The following EIF2D variants were observed in gnomAD, a reference collection of about 807,000 sequenced individuals.
EIF2D encodes hepatocellular carcinoma-associated antigen 56.
A neutral mutation model predicts 77.4 loss-of-function variants in EIF2D; 56 were observed. The observed-to-expected ratio is 0.72, with a 90% CI of 0.58 to 0.90. EIF2D has a LOEUF of 0.90. EIF2D is among the 40% of genes least tolerant of loss of function. The pLI, the probability that EIF2D is intolerant of heterozygous loss-of-function variation, is 0.00. For synonymous variants in EIF2D, 230 were observed against 271.0 expected (o/e 0.85, Z 1.49); for missense variants, 574 against 706.5 (o/e 0.81, Z 2.13).
At chr1:206,581,211 A>T (rs1304673385) in intron 2 of EIF2D, 1 of 152,250 alleles carries the variant, frequency 6.6e-6, no homozygotes, top group Admixed American at 6.5e-5. Context: ...GGTATGTGAA[A>T]GTACCCAGCA....
intron 5 of EIF2D, 103 bp from the exon 6 acceptor site, chr1:206,603,307 C>CA: frequency 1.3e-6 from 2 of 1,494,584 alleles, no homozygotes; most frequent in Non-Finnish European, 1.8e-6. Flanking sequence ...AGAGAGCCAA[C>CA]AGGCAGGAGT....
intron 12 of EIF2D, among the ~76,000 whole-genome samples, chr1:206,596,674 C>T (rs1384014669): frequency 6.6e-6 from 1 of 151,690 alleles, no homozygotes; most frequent in East Asian, 1.9e-4. Flanking sequence ...TTTTAAATGC[C>T]CTCACTTTAA....
chr1:206,593,506 AGAGTGTGTGTGTGTGTGTGTGTGTGT>A lies in EIF2D; in HGVS notation c.1684+87_1684+112del. ...GAGAGAGCGAGAGAGAGAGAGAGAG[AGAGTGTGTGTGTGTGTGTGTGTGTGT>A]GTGTGTGTGTATTATGCAAGTTGAG... On this transcript the variant is annotated intron_variant, in intron 14 of 14. Transcript: ENST00000271764. 5.0e-5 allele frequency: 22 copies of A among 441,274 alleles called. No individual in the cohort carries two copies. The South Asian group carries it at 1.2e-3, about 23-fold the overall frequency. The allele number at this position is 441,274 out of a possible 1,614,324, so 27.3% of individuals were successfully genotyped here.
Position 206,599,217 on chromosome 1 carries a change from C to A in EIF2D, c.1203-125G>T. The A allele has an allele frequency of 1.0e-6, 1 of 956,150 alleles. No homozygotes were observed. 59.2% of individuals were successfully genotyped at this position (956,150 alleles called of 1,614,324 possible). A position where few individuals can be genotyped will look rare whatever the true frequency, so the allele number is the denominator to read the frequency against. ...TAGCTTTCGGCCTCTAGTTTCTTCC[C>A]TTTTCCTGACTGAAGTGAGCATGAC... is the stretch of plus-strand genomic sequence containing the variant. On this transcript the variant is annotated intron_variant, in intron 10 of 14. Coordinates refer to ENST00000271764, the MANE Select transcript of EIF2D (RefSeq NM_006893.3). The surrounding 1 kb of genome is among the most constrained non-coding windows in gnomAD (Gnocchi z 4.1).
Position 206,602,360 on chromosome 1 carries a change from A to C in EIF2D, c.878T>G (p.Leu293Arg). The change falls in exon 7 of 15, where the codon CTT (leucine) becomes CGT (arginine). Residue 293 changes from leucine (L) to arginine (R), a missense_variant. By Grantham distance (102) the Leu-to-Arg change is moderately radical. Coordinates refer to ENST00000271764, the MANE Select transcript of EIF2D (RefSeq NM_006893.3). ...CCAGCAGGAGAACATGTGGCTGCCA[A>C]GGAAAGTGCTGGTGAGTAAAGGGAG... ...ADLPLLTSTF[L>R]GSHMFSCCPE... 1 of 1,614,228 alleles carries C rather than the reference A, an allele frequency of 6.2e-7. No homozygotes were observed. The highest frequency in any genetic ancestry group is 1.1e-5 in the South Asian group (1 of 91,090).
chr1:206,574,125 G>A (rs1668549472), intron 4 of EIF2D, among the ~76,000 whole-genome samples: 1 of 152,236 alleles, frequency 6.6e-6, no homozygotes. Context: ...ACTGTTCCCT[G>A]GTATAACCCA....
intron 14 of EIF2D, 144 bp downstream of exon 14, chr1:206,593,475 G>GAA (rs1669456578): frequency 3.9e-6 from 2 of 509,354 alleles, no homozygotes; most frequent in Non-Finnish European, 6.3e-6. Context: ...TGGAGAGAGA[G>GAA]AGAGAGAGAG....
At chr1:206,594,169 C>T (rs1127810) in intron 13 of EIF2D, 18,345 of 155,208 alleles carry the variant, frequency 0.12, 1,284 homozygotes, top group Non-Finnish European at 0.16. Flanking sequence ...TTCATCTATA[C>T]CCCTGTCTAC....
chr1:206,609,537 G>A (rs1200811025), intron 2 of EIF2D, 78 bp from the exon 3 acceptor site: 2 of 1,196,002 alleles, frequency 1.7e-6, no homozygotes, highest in Non-Finnish European at 2.4e-6. Flanking sequence ...TAACACTATG[G>A]TCACTTTAAT....
chr1:206,598,443 T>C (rs1256562269), intron 11 of EIF2D, among the ~76,000 whole-genome samples: 2 of 152,212 alleles, frequency 1.3e-5, no homozygotes, highest in African/African-American at 4.8e-5. Flanking sequence ...TACAGTTAGA[T>C]AGAAGAAATA....
chr1:206,611,410 G>A (rs1553413992), intron 1 of EIF2D, 36 bp from the exon 2 acceptor site: 2 of 1,553,010 alleles, frequency 1.3e-6, no homozygotes, highest in South Asian at 1.2e-5. Context: ...AATGCTGCCT[G>A]GACAGACTTT....
Position 206,584,275 on chromosome 1 carries a change from G to A in EIF2D, c.139-3113C>T. Reference sequence around the variant, plus strand: ...CAGCTCTCCCACGTCAGCAGAGGCAGGAAAGAACTCAAGGAGACAGGTGGG... The same window carrying A: ...CAGCTCTCCCACGTCAGCAGAGGCAAGAAAGAACTCAAGGAGACAGGTGGG... On this transcript the variant is annotated intron_variant and NMD_transcript_variant, in intron 2 of 5. Transcript: ENST00000472709. The surrounding 1 kb of genome is among the most constrained non-coding windows in gnomAD (Gnocchi z 4.9). The A allele has an allele frequency of 9.5e-7, 1 of 1,051,750 alleles. No homozygotes were observed. The highest frequency in any genetic ancestry group is 1.4e-6 in the Non-Finnish European group (1 of 731,288). The allele number at this position is 1,051,750 out of a possible 1,614,324, so 65.2% of individuals were successfully genotyped here.
At chr1:206,605,362 C>T in intron 5 of EIF2D, 38 bp downstream of exon 5, 1 of 1,565,564 alleles carries the variant, frequency 6.4e-7, no homozygotes, top group Non-Finnish European at 8.8e-7. Context: ...CCCCAGCTGC[C>T]CCGGTTCTCT....
chr1:206,597,666 C>T (rs1160172532), intron 11 of EIF2D, among the ~76,000 whole-genome samples: 6 of 151,908 alleles, frequency 3.9e-5, no homozygotes, highest in Middle Eastern at 6.8e-3. Flanking sequence ...AAAATAGGGC[C>T]GGGCGCAGTG....
At chr1:206,601,214 A>G (rs1448766227) in intron 7 of EIF2D, 1 of 152,266 alleles carries the variant, frequency 6.6e-6, no homozygotes, top group Non-Finnish European at 1.5e-5. Context: ...ACCCAAGTAT[A>G]AATGGGAAGA....
chr1:206,610,932 A>G (rs945721700), intron 2 of EIF2D, among the ~76,000 whole-genome samples: 5 of 152,092 alleles, frequency 3.3e-5, no homozygotes, highest in Non-Finnish European at 5.9e-5. Context: ...TCCCTTTGCA[A>G]CCACCCTTAC....
intron 11 of EIF2D, 94 bp from the exon 12 acceptor site, chr1:206,597,289 G>T: frequency 2.3e-6 from 2 of 873,620 alleles, no homozygotes; most frequent in Non-Finnish European, 1.8e-6. Flanking sequence ...GGCCTTTATA[G>T]ACATTCAGGA....
At chr1:206,583,258 G>C in intron 2 of EIF2D, 1 of 1,582,668 alleles carries the variant, frequency 6.3e-7, no homozygotes, top group Non-Finnish European at 8.7e-7. Context: ...CCACTTCTGT[G>C]TCTCTTCCAG....
At position 206,592,235 on chromosome 1, in the gene EIF2D, C is replaced by T. The variant is rs1669373923; in HGVS notation, c.1685-390G>A. Among the ~76,000 whole-genome samples the T allele has an allele frequency of 6.6e-6, 1 of 152,186 alleles. No homozygotes were observed. The highest frequency in any genetic ancestry group is 1.5e-5 in the Non-Finnish European group (1 of 68,034). On this transcript the variant is annotated intron_variant, in intron 14 of 14. Transcript: ENST00000271764. The surrounding 1 kb of genome is among the most constrained non-coding windows in gnomAD (Gnocchi z 4.7). ...TTTGCCTAAATGAGCACTTACTATC[C>T]GCCAGGCCCTGAGGATGAAAAAGGC... is the stretch of plus-strand genomic sequence containing the variant.
Sources: gnomAD v4.1 joint callset for allele counts (sites outside exome capture counted in the v4.1 genomes callset) on GRCh38, gnomAD v4.1.1 for gene constraint, Gnocchi (gnomAD v3.1) non-coding constraint, MANE v1.5 for transcripts, NCBI Gene and HGNC (gene_info 2026-07-23, HGNC 2026-07-21) for gene names.